The following C15orf39 variants were observed in gnomAD, a reference collection of about 807,000 sequenced individuals.
The protein encoded by C15orf39 is PRMT2 interacting protein, also known as uncharacterized protein C15orf39.
C15orf39 carries 24 observed loss-of-function variants against 53.9 expected under a neutral mutation model. That is an observed-to-expected ratio of 0.45 (90% CI 0.32 to 0.63). C15orf39 has a LOEUF of 0.63. C15orf39 is among the 20% of genes least tolerant of loss of function. The pLI is 0.04. For missense variants in C15orf39, 1,271 were observed against 1,347.9 expected (o/e 0.94, Z 0.89); for synonymous variants, 569 against 576.5 (o/e 0.99, Z 0.19).
chr15:75,201,842 C>G (rs1300612387), upstream of C15orf39: 1 of 151,672 alleles, frequency 6.6e-6, no homozygotes. This position sits in a 1 kb window ranked among gnomAD's most constrained non-coding sequence, Gnocchi z 4.7. Context: ...CGAGTCGCCC[C>G]GCCCCCGCCC....
At position 75,208,242 on chromosome 15, in the gene C15orf39, G is replaced by T. The variant is rs1203693859; in HGVS notation, c.2194G>T (p.Ala732Ser). The change falls in exon 2 of 3, where the codon GCT becomes TCT. Residue 732 changes from alanine (A) to serine (S), a missense_variant. By Grantham distance (99) the Ala-to-Ser change is moderately conservative. Around this residue, in one of 2 missense-constraint regions of C15orf39, gnomAD observed 994 missense variants for 993.7 expected, o/e 1.00. Coordinates refer to ENST00000394987, the MANE Select transcript of C15orf39 (RefSeq NM_015492.5). ...APAPSPAPAR[A>S]QAPASARDPA... ...AGCTCCATCCCCTGCTCCGGCTCGA[G>T]CTCAGGCTCCAGCTTCAGCCCGGGA... is the stretch of plus-strand genomic sequence containing the variant. The T allele has an allele frequency of 3.7e-6, 6 of 1,608,030 alleles. No homozygotes were observed. The Admixed American group carries it at 1.0e-4, about 27-fold the overall frequency.
rs763041108 is a variant in C15orf39 at position 75,206,124 on chromosome 15, G to C, written c.76G>C (p.Gly26Arg). Reference sequence around the variant, plus strand: ...GCTGCCCCGCTTAGAGACAGACTCCGGGCTCGAGCACAGCCTGCCCCACTC... The same window carrying C: ...GCTGCCCCGCTTAGAGACAGACTCCCGGCTCGAGCACAGCCTGCCCCACTC... Reference protein sequence around the residue: ...GKLPRLETDSGLEHSLPHSVG... With the variant: ...GKLPRLETDSRLEHSLPHSVG... Residue 26 changes from glycine to arginine, a missense_variant, in exon 2 of 3, where the codon GGG becomes CGG. Physicochemically the swap from Gly to Arg is moderately radical, Grantham distance 125. Transcript: ENST00000394987. The C allele has an allele frequency of 1.2e-6, 2 of 1,613,702 alleles. No individual in the cohort carries two copies. The highest frequency in any genetic ancestry group is 1.7e-6 in the Non-Finnish European group (2 of 1,179,866).
rs1164371500 is a variant in C15orf39, at chr15:75,206,601, A to G, written c.553A>G (p.Thr185Ala). 1.2e-6 allele frequency: 2 copies of G among 1,613,408 alleles called. No individual in the cohort carries two copies. Among genetic ancestry groups the G allele is most frequent in the Admixed American group, 1.7e-5 (1 of 59,976 alleles). Residue 185 changes from threonine (T) to alanine (A), a missense_variant, in exon 2 of 3, where the codon ACT becomes GCT. By Grantham distance (58) the Thr-to-Ala change is moderately conservative. Around this residue, in one of 2 missense-constraint regions of C15orf39, gnomAD observed 994 missense variants for 993.7 expected, o/e 1.00. Coordinates refer to ENST00000394987, the MANE Select transcript of C15orf39 (RefSeq NM_015492.5). ...GGCCCCAGCTCCTAGCAAGGGCCAG[A>G]CTCTGGATGGCACCTTCTTGCGGGG... ...SLAPAPSKGQ[T>A]LDGTFLRGVP... is the part of the protein sequence containing the mutation.
At position 75,210,882 on chromosome 15, in the gene C15orf39, C is replaced by G. The variant is rs1174668111; in HGVS notation, c.2910C>G (p.Thr970=). The G allele has an allele frequency of 8.1e-6, 13 of 1,613,700 alleles. No individual in the cohort carries two copies. In the South Asian group the frequency reaches 1.3e-4, roughly 16 times the overall value. Residue 970 remains threonine (T), a synonymous_variant, in exon 3 of 3, where the codon ACC becomes ACG. Coordinates refer to ENST00000394987, the MANE Select transcript of C15orf39 (RefSeq NM_015492.5). ...KVRKPGRKPP[T]PGPEKAEAAA... ...GGAAGCCAGGCAGGAAGCCACCAAC[C>G]CCTGGCCCGGAGAAAGCAGAGGCAG...
rs1245790476 is a variant in C15orf39, at chr15:75,207,096, C to T, written c.1048C>T (p.Leu350Phe). Reference sequence around the variant, plus strand: ...CGCTTACCCCTACCCCTCTGCCCCTCTCCCAGCACCCTCTCCAGGCCTCAA... The same window carrying T: ...CGCTTACCCCTACCCCTCTGCCCCTTTCCCAGCACCCTCTCCAGGCCTCAA... ...LDAYPYPSAP[L>F]PAPSPGLKLE... The change falls in exon 2 of 3, where the codon CTC becomes TTC. Residue 350 changes from leucine (L) to phenylalanine (F), a missense_variant. By Grantham distance (22) the Leu-to-Phe change is conservative (BLOSUM62 0). This residue lies in a region of C15orf39 where 994 missense variants were observed against 993.7 expected (regional missense o/e 1.00). Coordinates refer to ENST00000394987, the MANE Select transcript of C15orf39 (RefSeq NM_015492.5). 1 of 1,613,306 alleles carries T rather than the reference C, an allele frequency of 6.2e-7. No homozygotes were observed. Among genetic ancestry groups the T allele is most frequent in the South Asian group, 1.1e-5 (1 of 91,050 alleles).
In C15orf39 at chr15:75,211,291, G is replaced by C; in HGVS notation, c.*175G>C. 2.5e-6 allele frequency: 2 copies of C among 795,958 alleles called. No individual in the cohort carries two copies. Among genetic ancestry groups the C allele is most frequent in the Non-Finnish European group, 1.9e-6 (1 of 526,624 alleles). 49.3% of individuals were successfully genotyped at this position (795,958 alleles called of 1,614,324 possible). On this transcript the variant is annotated 3_prime_UTR_variant, in exon 3 of 3. Transcript: ENST00000394987. ...GCTGAAGAGCCCCTGAGCTTTTAACGTGAGGGTCTTTATTGGATAGGACTA... is the reference window on the plus strand; with the variant it reads ...GCTGAAGAGCCCCTGAGCTTTTAACCTGAGGGTCTTTATTGGATAGGACTA...
In C15orf39 at chr15:75,207,195, G is replaced by C. The variant is rs762102303; in HGVS notation, c.1147G>C (p.Asp383His). 23 of 1,613,720 alleles carry C rather than the reference G, an allele frequency of 1.4e-5. 1 individual carries two copies. Among genetic ancestry groups the C allele is most frequent in the South Asian group, 2.2e-5 (2 of 91,072 alleles). ...GACACTGAGTTTTCCTTATGCCCGG[G>C]ATGACCTCTCTCTCTATGGAGCATC... ...PQTLSFPYAR[D>H]DLSLYGASPG... The change falls in exon 2 of 3, where the codon GAT becomes CAT. Residue 383 changes from aspartate to histidine, a missense_variant. By Grantham distance (81) the Asp-to-His change is moderately conservative (BLOSUM62 -1). This residue lies in a region of C15orf39 where 994 missense variants were observed against 993.7 expected (regional missense o/e 1.00). Transcript: ENST00000394987.
upstream of C15orf39, among the ~76,000 whole-genome samples, chr15:75,199,689 G>A (rs977489932): frequency 1.5e-3 from 228 of 152,018 alleles, 4 homozygotes; most frequent in Admixed American, 0.015. Context: ...GAAGAGGAGT[G>A]TGTGTGTTGC....
In C15orf39 at chr15:75,211,183, C is replaced by A; in HGVS notation, c.*67C>A. 1 of 1,518,234 alleles carries A rather than the reference C, an allele frequency of 6.6e-7. No homozygotes were observed. Among genetic ancestry groups the A allele is most frequent in the Non-Finnish European group, 8.8e-7 (1 of 1,136,834 alleles). 94.0% of individuals were successfully genotyped at this position (1,518,234 alleles called of 1,614,324 possible). A position where few individuals can be genotyped will look rare whatever the true frequency, so the allele number is the denominator to read the frequency against. On this transcript the variant is annotated 3_prime_UTR_variant, in exon 3 of 3. Transcript: ENST00000394987. ...CCTTCCCTTCTGCCTGCCCAGCTGCCCCGGGGCCACGAGTGGATGCTGGGG... is the reference window on the plus strand; with the variant it reads ...CCTTCCCTTCTGCCTGCCCAGCTGCACCGGGGCCACGAGTGGATGCTGGGG...
intron 1 of C15orf39, among the ~76,000 whole-genome samples, chr15:75,205,426 G>T (rs1455332880): frequency 6.6e-6 from 1 of 152,202 alleles, no homozygotes; most frequent in African/African-American, 2.4e-5. Context: ...CTTGGGAGTT[G>T]TATGGAGGAA....
At position 75,207,431 on chromosome 15, in the gene C15orf39, C is replaced by T; in HGVS notation, c.1383C>T (p.Pro461=). ...GGCTCAGTGAGCACTCTGGGCCGCC[C>T]ATCGTCATCCGAGACAGTCCAGTTC... ...QPRLSEHSGP[P]IVIRDSPVPC... The change falls in exon 2 of 3, where the codon CCC becomes CCT. Residue 461 remains proline (P), a synonymous_variant. Coordinates refer to ENST00000394987, the MANE Select transcript of C15orf39 (RefSeq NM_015492.5). 3 of 1,613,570 alleles carry T rather than the reference C, an allele frequency of 1.9e-6. No homozygotes were observed. The highest frequency in any genetic ancestry group is 1.7e-6 in the Non-Finnish European group (2 of 1,180,022).
At chr15:75,203,617 A>G (rs760219395) in intron 1 of C15orf39, among the ~76,000 whole-genome samples, 58 of 151,996 alleles carry the variant, frequency 3.8e-4, no homozygotes, top group Non-Finnish European at 6.8e-4. Context: ...TTTCCTGTCT[A>G]TTGACTGGGT....
chr15:75,206,472 C>T lies in C15orf39; in HGVS notation c.424C>T (p.Leu142Phe). The T allele has an allele frequency of 1.9e-6, 3 of 1,614,098 alleles. No individual in the cohort carries two copies. Among genetic ancestry groups the T allele is most frequent in the African/African-American group, 1.3e-5 (1 of 75,046 alleles). Residue 142 changes from leucine to phenylalanine, a missense_variant, in exon 2 of 3, where the codon CTC becomes TTC. By Grantham distance (22) the Leu-to-Phe change is conservative. Coordinates refer to ENST00000394987, the MANE Select transcript of C15orf39 (RefSeq NM_015492.5). ...PVYRNPLCYGLSTCLGEGAVK... is the reference protein window; with the variant it reads ...PVYRNPLCYGFSTCLGEGAVK... Reference sequence around the variant, plus strand: ...CTACCGCAACCCTCTGTGCTATGGGCTCTCAACTTGTCTGGGGGAAGGAGC... The same window carrying T: ...CTACCGCAACCCTCTGTGCTATGGGTTCTCAACTTGTCTGGGGGAAGGAGC...
At chr15:75,202,235 C>G (rs1443786382) in intron 1 of C15orf39, 176 bp downstream of exon 1, 2 of 152,208 alleles carry the variant, frequency 1.3e-5, no homozygotes, top group Non-Finnish European at 2.9e-5. Context: ...CCCCCGCGAA[C>G]GGGCTGCGGG....
chr15:75,204,932 C>T (rs2070428051), intron 1 of C15orf39, among the ~76,000 whole-genome samples: 1 of 152,202 alleles, frequency 6.6e-6, no homozygotes, highest in Admixed American at 6.5e-5. Flanking sequence ...GCTCTGGGAC[C>T]TTCCTGCTGG....
At chr15:75,210,709 G>T in intron 2 of C15orf39, 40 bp from the exon 3 acceptor site, 1 of 1,562,446 alleles carries the variant, frequency 6.4e-7, no homozygotes. Flanking sequence ...GGGACCTGAG[G>T]GTATGGGGTC....
Position 75,208,155 on chromosome 15 carries a change from T to C in C15orf39, c.2107T>C (p.Cys703Arg). 6.2e-7 allele frequency: 1 copy of C among 1,613,930 alleles called. No individual in the cohort carries two copies. Among genetic ancestry groups the C allele is most frequent in the Non-Finnish European group, 8.5e-7 (1 of 1,180,008 alleles). The change falls in exon 2 of 3, where the codon TGC (cysteine) becomes CGC (arginine). Residue 703 changes from cysteine (C) to arginine (R), a missense_variant. This residue lies in a region of C15orf39 where 994 missense variants were observed against 993.7 expected (regional missense o/e 1.00). Coordinates refer to ENST00000394987, the MANE Select transcript of C15orf39 (RefSeq NM_015492.5). ...CGCTCAACAGCCCTTGTCTGTGACC[T>C]GCTTCAGCCTGGCACTGCCCAGCCC... ...ILAQQPLSVT[C>R]FSLALPSPPA... is the part of the protein sequence containing the mutation.
At position 75,201,960 on chromosome 15, in the gene C15orf39, G is replaced by A. The variant is rs1157065568; in HGVS notation, c.-150G>A. On this transcript the variant is annotated 5_prime_UTR_variant, in exon 1 of 3. Coordinates refer to ENST00000394987, the MANE Select transcript of C15orf39 (RefSeq NM_015492.5). This position sits in a 1 kb window ranked among gnomAD's most constrained non-coding sequence, Gnocchi z 4.7. ...GGTGCTCACTGCGACTTCCCGCGCAGGGCCCGGTCGGACTAGGACCCGCGG... is the reference window on the plus strand; with the variant it reads ...GGTGCTCACTGCGACTTCCCGCGCAAGGCCCGGTCGGACTAGGACCCGCGG... 1 of 152,060 alleles carries A rather than the reference G, an allele frequency of 6.6e-6. No individual in the cohort carries two copies. The highest frequency in any genetic ancestry group is 2.4e-5 in the African/African-American group (1 of 41,436). 9.4% of individuals were successfully genotyped at this position (152,060 alleles called of 1,614,324 possible). A position where few individuals can be genotyped will look rare whatever the true frequency, so the allele number is the denominator to read the frequency against.
intron 1 of C15orf39, among the ~76,000 whole-genome samples, chr15:75,205,000 G>C (rs1430070444): frequency 6.6e-6 from 1 of 152,148 alleles, no homozygotes; most frequent in Non-Finnish European, 1.5e-5. Context: ...GGAGTGGGGC[G>C]AGAGGGGTGT....
Sources: allele counts gnomAD v4.1 joint callset (sites outside exome capture counted in the v4.1 genomes callset), GRCh38; gene constraint gnomAD v4.1.1; regional missense constraint gnomAD v4.1.1; non-coding constraint Gnocchi (gnomAD v3.1); transcripts MANE v1.5; gene names NCBI Gene and HGNC (gene_info 2026-07-23, HGNC 2026-07-21).